FGF12: variants seen among roughly 807,000 people sequenced by gnomAD.
FGF12 encodes fibroblast growth factor 12B.
A neutral mutation model predicts 23.6 loss-of-function variants in FGF12; 14 were observed. That is an observed-to-expected ratio of 0.59 (90% confidence interval 0.39 to 0.93). The LOEUF (loss-of-function observed/expected upper bound fraction) is 0.93, where lower values mean the gene tolerates loss of function less well. FGF12 is among the 40% of genes least tolerant of loss of function. The probability of loss-of-function intolerance (pLI) is 0.00; values close to 1 mark genes in which losing one functional copy is unlikely to be tolerated. For synonymous variants in FGF12, 62 were observed against 77.3 expected (o/e 0.80, Z 1.04); for missense variants, 175 against 217.8 (o/e 0.80, Z 1.24).
chr3:192,564,139 C>T (rs1440887007), intron 2 of FGF12, among the ~76,000 whole-genome samples: 1 of 152,192 alleles, frequency 6.6e-6, no homozygotes, highest in Non-Finnish European at 1.5e-5. Flanking sequence ...TCTCAGCTCA[C>T]TGCAATCTCC....
chr3:192,316,705 G>C (rs566451852), intron 4 of FGF12, among the ~76,000 whole-genome samples: 1 of 152,148 alleles, frequency 6.6e-6, no homozygotes, highest in Admixed American at 6.5e-5. Context: ...AAGTCCTGCT[G>C]CTGGGCTGGG....
intron 2 of FGF12, among the ~76,000 whole-genome samples, chr3:192,483,371 G>T (rs1723534873): frequency 6.6e-6 from 1 of 151,894 alleles, no homozygotes; most frequent in African/African-American, 2.4e-5. Flanking sequence ...TAACTTGCTT[G>T]CTCTTAAAAG....
chr3:192,645,270 G>A (rs1217967549), intron 2 of FGF12, among the ~76,000 whole-genome samples: 2 of 151,992 alleles, frequency 1.3e-5, no homozygotes, highest in Non-Finnish European at 2.9e-5. Flanking sequence ...GGTGGGGTGA[G>A]GCAAGTTAGG....
chr3:192,632,854 G>A (rs755398801), intron 2 of FGF12, among the ~76,000 whole-genome samples: 2 of 152,034 alleles, frequency 1.3e-5, no homozygotes, highest in South Asian at 2.1e-4. Context: ...TGAAATCAAC[G>A]TGCTGCAGGG....
intron 2 of FGF12, among the ~76,000 whole-genome samples, chr3:192,364,553 A>G (rs1718885517): frequency 1.3e-5 from 2 of 152,264 alleles, no homozygotes; most frequent in East Asian, 3.9e-4. Flanking sequence ...TGAGTGTCAT[A>G]TGGAATGTAA....
chr3:192,680,703 T>G (rs949998230), intron 2 of FGF12, among the ~76,000 whole-genome samples: 2 of 152,216 alleles, frequency 1.3e-5, no homozygotes, highest in African/African-American at 4.8e-5. Flanking sequence ...AGCATCTACA[T>G]TTATAAATGA....
chr3:192,231,695 A>G (rs1302554696), intron 4 of FGF12, among the ~76,000 whole-genome samples: 1 of 152,006 alleles, frequency 6.6e-6, no homozygotes, highest in Non-Finnish European at 1.5e-5. Flanking sequence ...GCTTGAACCC[A>G]GGAAGCAGAG....
At chr3:192,245,473 T>C (rs9832022) in intron 4 of FGF12, among the ~76,000 whole-genome samples, 96 of 152,216 alleles carry the variant, frequency 6.3e-4, no homozygotes, top group African/African-American at 2.2e-3. Context: ...GCTATTGGCA[T>C]AATCATAACA....
intron 2 of FGF12, among the ~76,000 whole-genome samples, chr3:192,592,126 A>G (rs959047677): frequency 1.3e-5 from 2 of 151,814 alleles, no homozygotes; most frequent in African/African-American, 2.4e-5. Context: ...AAAATTCTAG[A>G]ATTATAATTG....
chr3:192,370,531 A>G (rs941701713), intron 2 of FGF12, among the ~76,000 whole-genome samples: 1 of 151,362 alleles, frequency 6.6e-6, no homozygotes, highest in Non-Finnish European at 1.5e-5. Context: ...AGACAGAGTG[A>G]GAACCTGTAT....
rs1448500377 is a variant in FGF12 at position 192,158,404 on chromosome 3, T to TC, written c.427+12053_427+12054insG. Among the ~76,000 whole-genome samples, 145 of 35,484 alleles carry TC rather than the reference T, an allele frequency of 4.1e-3. 2 individuals carry two copies. Among genetic ancestry groups the TC allele is most frequent in the African/African-American group, 0.036 (143 of 4,022 alleles). The allele number at this position is 35,484 out of a possible 152,430, so 23.3% of individuals were successfully genotyped here. On this transcript the variant is annotated intron_variant, in intron 5 of 5. Transcript: ENST00000445105. Reference sequence around the variant, plus strand: ...TTTCTTTTCTTTCTCTCTCTTTCTTTTTCTTTCTTTCTCTTTCTTTTTCTT... The same window carrying TC: ...TTTCTTTTCTTTCTCTCTCTTTCTTTCTTCTTTCTTTCTCTTTCTTTTTCTT...
rs1717206516 is a variant in FGF12, at chr3:192,333,043, C to G, written c.228+2318G>C. On this transcript the variant is annotated intron_variant, in intron 4 of 5. Coordinates refer to ENST00000445105, the MANE Select transcript of FGF12 (RefSeq NM_004113.6). Reference sequence around the variant, plus strand: ...AAGGTAAACTCCATTACAAAAGAAACTCCCTCTTTTGGCTCAAGATTCCCA... The same window carrying G: ...AAGGTAAACTCCATTACAAAAGAAAGTCCCTCTTTTGGCTCAAGATTCCCA... Among the ~76,000 whole-genome samples the G allele has an allele frequency of 2.0e-5, 3 of 152,140 alleles. No homozygotes were observed. The South Asian group carries it at 6.2e-4, about 32-fold the overall frequency.
intron 2 of FGF12, among the ~76,000 whole-genome samples, chr3:192,617,554 A>G (rs1266925706): frequency 6.6e-6 from 1 of 152,146 alleles, no homozygotes; most frequent in Non-Finnish European, 1.5e-5. Flanking sequence ...GAATGGGCAA[A>G]GCCACAGGCA....
At chr3:192,613,761 T>G (rs1714642639) in intron 2 of FGF12, among the ~76,000 whole-genome samples, 1 of 151,962 alleles carries the variant, frequency 6.6e-6, no homozygotes, top group African/African-American at 2.4e-5. Flanking sequence ...CTCATATTAT[T>G]GGAAACATCC....
chr3:192,282,344 C>A (rs1714195581), intron 4 of FGF12, among the ~76,000 whole-genome samples: 2 of 152,050 alleles, frequency 1.3e-5, no homozygotes, highest in African/African-American at 4.8e-5. Flanking sequence ...GAAGAGAATG[C>A]AAAATTACTA....
At chr3:192,618,935 A>C (rs1197129310) in intron 2 of FGF12, among the ~76,000 whole-genome samples, 2 of 152,032 alleles carry the variant, frequency 1.3e-5, no homozygotes, top group African/African-American at 4.8e-5. Flanking sequence ...GGTTCCAGCC[A>C]GCCAATTAAA....
chr3:192,444,864 G>GTAGCA (rs1210195986), intron 2 of FGF12, among the ~76,000 whole-genome samples: 1 of 152,334 alleles, frequency 6.6e-6, no homozygotes, highest in Non-Finnish European at 1.5e-5. Flanking sequence ...GATTCTCTGA[G>GTAGCA]TAGCAGGAGA....
intron 4 of FGF12, among the ~76,000 whole-genome samples, chr3:192,197,875 G>C (rs989310571): frequency 6.7e-6 from 1 of 150,372 alleles, no homozygotes; most frequent in African/African-American, 2.4e-5. Flanking sequence ...GAACCCAGGG[G>C]ACGGAGGTTG....
In FGF12 at chr3:192,155,268, G is replaced by T. The variant is rs13092690; in HGVS notation, c.428-11141C>A. On this transcript the variant is annotated intron_variant, in intron 5 of 5. Transcript: ENST00000445105. The stretch of plus-strand genomic sequence containing the variant: ...CTCAGATGGAAATGCAGAAATCACC[G>T]GTCTTCTGCATTGCTCACGCTGGGA... Among the ~76,000 whole-genome samples, 2 of 152,010 alleles carry T rather than the reference G, an allele frequency of 1.3e-5. 1 individual carries two copies. Among genetic ancestry groups the T allele is most frequent in the South Asian group, 4.2e-4 (2 of 4,804 alleles).
Sources: gnomAD v4.1 joint callset for allele counts (sites outside exome capture counted in the v4.1 genomes callset) on GRCh38, gnomAD v4.1.1 for gene constraint, MANE v1.5 for transcripts, NCBI Gene and HGNC (gene_info 2026-07-23, HGNC 2026-07-21) for gene names.